RCOR3: variants seen among roughly 807,000 people sequenced by gnomAD.
RCOR3 encodes the protein REST corepressor 3.
RCOR3 carries 13 observed loss-of-function variants against 64.1 expected under a neutral mutation model. The observed-to-expected ratio is 0.20, with a 90% CI of 0.13 to 0.32. The LOEUF (loss-of-function observed/expected upper bound fraction) is 0.32. Among genes scored for constraint, RCOR3 ranks in the 10% least tolerant of loss-of-function variants. The pLI is 1.00. For synonymous variants in RCOR3, 215 were observed against 239.0 expected (o/e 0.90, Z 0.93); for missense variants, 489 against 701.2 (o/e 0.70, Z 3.42).
intron 1 of RCOR3, 122 bp from the exon 2 acceptor site, chr1:211,259,986 T>C (rs2102400515): frequency 7.9e-7 from 1 of 1,258,030 alleles, no homozygotes; most frequent in Non-Finnish European, 1.0e-6. Flanking sequence ...AGTTGATATC[T>C]TCCCATCCAC....
intron 8 of RCOR3, among the ~76,000 whole-genome samples, chr1:211,292,132 T>A (rs1389432513): frequency 6.6e-6 from 1 of 152,232 alleles, no homozygotes; most frequent in Non-Finnish European, 1.5e-5. Context: ...TCCTGGTTTT[T>A]AGCTCCTTTG....
At chr1:211,284,822 CTATT>C (rs1028891955) in intron 7 of RCOR3, among the ~76,000 whole-genome samples, 2 of 152,150 alleles carry the variant, frequency 1.3e-5, no homozygotes, top group African/African-American at 4.8e-5. Context: ...CCATGCCTGG[CTATT>C]TATTTTTTAA....
chr1:211,287,870 AT>A (rs1313937999), intron 7 of RCOR3, among the ~76,000 whole-genome samples: 1 of 151,112 alleles, frequency 6.6e-6, no homozygotes, highest in Admixed American at 6.6e-5. Flanking sequence ...CAAAAAAAAA[AT>A]TTTTTTTTGT....
intron 7 of RCOR3, among the ~76,000 whole-genome samples, chr1:211,285,208 A>T (rs1321623771): frequency 6.6e-6 from 1 of 152,194 alleles, no homozygotes; most frequent in African/African-American, 2.4e-5. Flanking sequence ...AGTATCACCA[A>T]TATAATTTGA....
At chr1:211,267,993 G>T in intron 2 of RCOR3, 1 of 281,160 alleles carries the variant, frequency 3.6e-6, no homozygotes, top group Non-Finnish European at 7.1e-6. Context: ...TTTCTGTAAG[G>T]CAAGAATGAG....
chr1:211,280,984 CA>C (rs57531814), intron 7 of RCOR3, among the ~76,000 whole-genome samples: 10,359 of 113,908 alleles, frequency 0.091, 497 homozygotes, highest in East Asian at 0.29. Context: ...AACTCCATCT[CA>C]AAAAAAAAAA....
chr1:211,291,224 T>G (rs890820386), intron 8 of RCOR3, among the ~76,000 whole-genome samples: 1 of 152,214 alleles, frequency 6.6e-6, no homozygotes, highest in African/African-American at 2.4e-5. Context: ...GTGCCTAATT[T>G]ATAAACTAAA....
chr1:211,294,239 G>A (rs1699590159), intron 8 of RCOR3, among the ~76,000 whole-genome samples: 1 of 152,130 alleles, frequency 6.6e-6, no homozygotes, highest in South Asian at 2.1e-4. Flanking sequence ...TCAATTCACT[G>A]TATGTTATGA....
At chr1:211,277,800 A>T (rs1229714176) in intron 5 of RCOR3, among the ~76,000 whole-genome samples, 1 of 152,216 alleles carries the variant, frequency 6.6e-6, no homozygotes, top group South Asian at 2.1e-4. Flanking sequence ...CACTTAAAAT[A>T]GAGAATTTTA....
At position 211,315,399 on chromosome 1, in the gene RCOR3, T is replaced by C. The variant is rs914419776; in HGVS notation, c.*1631T>C. 1 of 152,206 alleles carries C rather than the reference T, an allele frequency of 6.6e-6. No homozygotes were observed. The highest frequency in any genetic ancestry group is 1.5e-5 in the Non-Finnish European group (1 of 68,028). 9.4% of individuals were successfully genotyped at this position (152,206 alleles called of 1,614,324 possible). On this transcript the variant is annotated 3_prime_UTR_variant, in exon 12 of 12. Transcript: ENST00000419091. ...AGACTGTGTATTTCCATAAATACCC[T>C]ACGTACTGGCATATTTGAAACTCTT...
At position 211,269,826 on chromosome 1, in the gene RCOR3, AATATT is replaced by A. The variant is rs1695840535; in HGVS notation, c.224-1404_224-1400del. Among the ~76,000 whole-genome samples, 3 of 151,838 alleles carry A rather than the reference AATATT, an allele frequency of 2.0e-5. No individual in the cohort carries two copies. The South Asian group carries it at 6.3e-4, about 32-fold the overall frequency. On this transcript the variant is annotated intron_variant, in intron 2 of 11. Transcript: ENST00000419091. The stretch of plus-strand genomic sequence containing the variant: ...ATTTTTCTGACTTTCTAGGCTATAA[AATATT>A]AGAAATAAATTAGAGGCTAGGTGTG...
chr1:211,259,451 C>G lies in RCOR3; in HGVS notation c.-110C>G. 1.8e-6 allele frequency: 2 copies of G among 1,139,448 alleles called. No individual in the cohort carries two copies. The highest frequency in any genetic ancestry group is 2.4e-6 in the Non-Finnish European group (2 of 818,036). 70.6% of individuals were successfully genotyped at this position (1,139,448 alleles called of 1,614,324 possible). On this transcript the variant is annotated 5_prime_UTR_variant, in exon 1 of 12. Transcript: ENST00000419091. ...CAGCCTCCTCCTCCTCCGCCGCCGC[C>G]GCCGTCTCCTCCTCCTCCTCCTTTC...
At chr1:211,295,960 G>A (rs1699824227) in intron 9 of RCOR3, among the ~76,000 whole-genome samples, 2 of 152,054 alleles carry the variant, frequency 1.3e-5, no homozygotes, top group South Asian at 4.1e-4. Context: ...TTTATTTCCT[G>A]CCCTTAGAAA....
Position 211,315,031 on chromosome 1 carries a change from T to G in RCOR3, c.*1263T>G, listed in dbSNP as rs773068157. 6.6e-6 allele frequency: 1 copy of G among 152,256 alleles called. No homozygotes were observed. The highest frequency in any genetic ancestry group is 2.4e-5 in the African/African-American group (1 of 41,466). 9.4% of individuals were successfully genotyped at this position (152,256 alleles called of 1,614,324 possible). On this transcript the variant is annotated 3_prime_UTR_variant, in exon 12 of 12. Coordinates refer to ENST00000419091, the MANE Select transcript of RCOR3 (RefSeq NM_001136223.3). ...ACAAAAAGACATCAAGTCTTCTTAA[T>G]TCAACCCATAATCATTAAGTACTTA...
Position 211,299,459 on chromosome 1 carries a change from T to C in RCOR3, c.1017+3706T>C, listed in dbSNP as rs547507624. Among the ~76,000 whole-genome samples the C allele has an allele frequency of 2.6e-5, 4 of 152,260 alleles. No individual in the cohort carries two copies. The East Asian group carries it at 7.7e-4, about 29-fold the overall frequency. On this transcript the variant is annotated intron_variant, in intron 9 of 11. Coordinates refer to ENST00000419091, the MANE Select transcript of RCOR3 (RefSeq NM_001136223.3). The stretch of plus-strand genomic sequence containing the variant: ...AAGAGTGCTTTTTGAAGCTGTAAAT[T>C]CCCCATCTATAGTTGTTTTCCTGCA...
intron 2 of RCOR3, among the ~76,000 whole-genome samples, chr1:211,264,371 A>G (rs115540094): frequency 0.015 from 2,241 of 152,286 alleles, 59 homozygotes; most frequent in African/African-American, 0.051. Context: ...ACTGATGATG[A>G]TAAGAGTTAA....
In RCOR3 at chr1:211,274,402, G is replaced by A. The variant is rs562301013; in HGVS notation, c.354+140G>A. On this transcript the variant is annotated intron_variant, in intron 4 of 11. Coordinates refer to ENST00000419091, the MANE Select transcript of RCOR3 (RefSeq NM_001136223.3). ...GATACCACAAAAGTCCTAGCAAAGA[G>A]TGACCTTTCAATATTAAGGAGTTTG... 6.0e-6 allele frequency: 3 copies of A among 502,378 alleles called. No individual in the cohort carries two copies. The East Asian group carries it at 1.0e-4, about 17-fold the overall frequency. The allele number at this position is 502,378 out of a possible 1,614,324, so 31.1% of individuals were successfully genotyped here. A position where few individuals can be genotyped will look rare whatever the true frequency, so the allele number is the denominator to read the frequency against.
At chr1:211,300,071 C>CTTTTTTTTTTTTT (rs11419492) in intron 9 of RCOR3, among the ~76,000 whole-genome samples, 1 of 121,300 alleles carries the variant, frequency 8.2e-6, no homozygotes, top group Non-Finnish European at 1.7e-5. Context: ...TTCTTTCTTT[C>CTTTTTTTTTTTTT]TTTTTTTTTT....
At chr1:211,294,738 C>A (rs995573756) in intron 8 of RCOR3, among the ~76,000 whole-genome samples, 3 of 151,908 alleles carry the variant, frequency 2.0e-5, no homozygotes, top group Non-Finnish European at 4.4e-5. Context: ...TACAGGCGTC[C>A]GCCACCACGC....
Sources: allele counts gnomAD v4.1 joint callset (sites outside exome capture counted in the v4.1 genomes callset), GRCh38; gene constraint gnomAD v4.1.1; transcripts MANE v1.5; gene names NCBI Gene and HGNC (gene_info 2026-07-23, HGNC 2026-07-21).